The following KCNIP4 variants were observed in gnomAD, a reference collection of about 807,000 sequenced individuals.
KCNIP4 encodes potassium voltage-gated channel interacting protein 4.
In KCNIP4, 12 loss-of-function variants were observed where a neutral mutation model predicts 34.0. The observed-to-expected ratio is 0.35, with a 90% CI of 0.23 to 0.57. KCNIP4 has a LOEUF of 0.57. Ranked by LOEUF, KCNIP4 falls within the 20% of genes least tolerant of loss-of-function variation. The pLI, the probability that KCNIP4 is intolerant of heterozygous loss-of-function variation, is 0.83. For synonymous variants in KCNIP4, 124 were observed against 102.2 expected (o/e 1.21, Z -1.29); for missense variants, 238 against 311.7 (o/e 0.76, Z 1.78).
At chr4:21,478,442 T>TG (rs1400766032) in intron 1 of KCNIP4, among the ~76,000 whole-genome samples, 1 of 152,100 alleles carries the variant, frequency 6.6e-6, no homozygotes, top group Non-Finnish European at 1.5e-5. Context: ...TTCTTTTTAA[T>TG]GGGGTGGGGG....
intron 1 of KCNIP4, among the ~76,000 whole-genome samples, chr4:21,739,377 G>T (rs938151738): frequency 1.3e-5 from 2 of 151,814 alleles, no homozygotes; most frequent in Admixed American, 1.3e-4. Flanking sequence ...AACCCTAAAA[G>T]CTATCTTCAG....
chr4:21,649,313 G>T (rs796909695), intron 1 of KCNIP4, among the ~76,000 whole-genome samples: 1 of 152,254 alleles, frequency 6.6e-6, no homozygotes, highest in African/African-American at 2.4e-5. Flanking sequence ...ATGCTATCCA[G>T]AATTCCCATC....
At chr4:21,230,566 C>T (rs921301756) in intron 1 of KCNIP4, among the ~76,000 whole-genome samples, 1 of 152,020 alleles carries the variant, frequency 6.6e-6, no homozygotes, top group African/African-American at 2.4e-5. Context: ...CTCCTTGTGT[C>T]CATGTGTTCC....
At chr4:21,466,428 T>C (rs78852978) in intron 1 of KCNIP4, among the ~76,000 whole-genome samples, 4,674 of 152,276 alleles carry the variant, frequency 0.031, 260 homozygotes, top group African/African-American at 0.11. Flanking sequence ...CAAAATGAGC[T>C]GTTATAATTA....
intron 1 of KCNIP4, among the ~76,000 whole-genome samples, chr4:21,607,001 C>A (rs1743742618): frequency 6.6e-6 from 1 of 151,934 alleles, no homozygotes; most frequent in African/African-American, 2.4e-5. Flanking sequence ...GGAAAATCTG[C>A]CTATCTTAAT....
chr4:21,623,335 CT>C (rs1233915305), intron 1 of KCNIP4, among the ~76,000 whole-genome samples: 1 of 152,106 alleles, frequency 6.6e-6, no homozygotes, highest in Non-Finnish European at 1.5e-5. Flanking sequence ...ATAAGATATG[CT>C]TTATATGAAA....
chr4:20,890,956 G>A (rs1725856507), intron 1 of KCNIP4, among the ~76,000 whole-genome samples: 1 of 152,140 alleles, frequency 6.6e-6, no homozygotes, highest in African/African-American at 2.4e-5. Flanking sequence ...GTGTTACACA[G>A]GAAATGCCAT....
At chr4:21,839,491 C>T (rs913799235) in intron 1 of KCNIP4, among the ~76,000 whole-genome samples, 6 of 152,164 alleles carry the variant, frequency 3.9e-5, no homozygotes, top group Non-Finnish European at 8.8e-5. Flanking sequence ...CAAAGGCTCA[C>T]GTCTGTAATC....
chr4:21,071,688 A>C (rs979949496), intron 1 of KCNIP4, among the ~76,000 whole-genome samples: 2 of 152,086 alleles, frequency 1.3e-5, no homozygotes, highest in African/African-American at 2.4e-5. Context: ...ACATGTGCAC[A>C]ATGTGCAGGT....
At chr4:20,773,360 C>CT (rs138167799) in intron 3 of KCNIP4, among the ~76,000 whole-genome samples, 54 of 152,288 alleles carry the variant, frequency 3.5e-4, no homozygotes, top group African/African-American at 1.3e-3. Context: ...GTCACGGTAG[C>CT]TGCCTAAAAG....
At position 21,427,586 on chromosome 4, in the gene KCNIP4, G is replaced by A. The variant is rs190139529; in HGVS notation, c.61+520985C>T. 1.7e-3 allele frequency among the ~76,000 whole-genome samples: 258 copies of A among 152,212 alleles called. 2 individuals are homozygous for A. Among genetic ancestry groups the A allele is most frequent in the Non-Finnish European group, 3.8e-4 (26 of 68,008 alleles). On this transcript the variant is annotated intron_variant, in intron 1 of 8. Transcript: ENST00000382152. Reference sequence around the variant, plus strand: ...CAGCAGAAACGCACTCTGAGCAAGGGTAACTCGAAGGGACTGACTGAGAAG... The same window carrying A: ...CAGCAGAAACGCACTCTGAGCAAGGATAACTCGAAGGGACTGACTGAGAAG...
chr4:21,186,562 G>T (rs79811677), intron 1 of KCNIP4, among the ~76,000 whole-genome samples: 8 of 152,102 alleles, frequency 5.3e-5, no homozygotes, highest in African/African-American at 1.9e-4. Context: ...TTAAAGAAGG[G>T]TTAAGATAAA....
intron 1 of KCNIP4, among the ~76,000 whole-genome samples, chr4:21,004,281 A>G (rs1416024857): frequency 6.6e-6 from 1 of 152,202 alleles, no homozygotes; most frequent in Non-Finnish European, 1.5e-5. Flanking sequence ...TTGAGAGGTA[A>G]AATAACCACA....
chr4:21,257,940 G>A (rs115007331), intron 1 of KCNIP4, among the ~76,000 whole-genome samples: 79 of 152,146 alleles, frequency 5.2e-4, no homozygotes, highest in African/African-American at 1.7e-3. Flanking sequence ...GTAGCAAGCC[G>A]TTCTGATTGT....
At chr4:21,688,764 T>C (rs997153584) in intron 1 of KCNIP4, among the ~76,000 whole-genome samples, 36 of 152,108 alleles carry the variant, frequency 2.4e-4, no homozygotes, top group Non-Finnish European at 1.8e-4. Flanking sequence ...CTGGACCATT[T>C]AGCTTTTTAG....
chr4:21,838,213 A>AC (rs1283838023), intron 1 of KCNIP4, among the ~76,000 whole-genome samples: 1 of 152,026 alleles, frequency 6.6e-6, no homozygotes, highest in Non-Finnish European at 1.5e-5. Context: ...TTAATCTTCA[A>AC]CCCCCCTGGA....
At chr4:21,849,891 T>A (rs1724267532) in intron 1 of KCNIP4, 1 of 152,002 alleles carries the variant, frequency 6.6e-6, no homozygotes, top group Non-Finnish European at 1.5e-5. Flanking sequence ...ACTACACAAA[T>A]AAGACTTAGG....
intron 3 of KCNIP4, among the ~76,000 whole-genome samples, chr4:20,782,744 C>A (rs186672848): frequency 6.6e-6 from 1 of 152,166 alleles, no homozygotes; most frequent in African/African-American, 2.4e-5. Context: ...GTCTCTGACA[C>A]ACCCTGGAGA....
At chr4:21,449,380 G>T (rs1728314338) in intron 1 of KCNIP4, among the ~76,000 whole-genome samples, 1 of 152,008 alleles carries the variant, frequency 6.6e-6, no homozygotes, top group African/African-American at 2.4e-5. Flanking sequence ...AAAGAATTTT[G>T]CCTCAAGATG....
Sources: allele counts gnomAD v4.1 joint callset (sites outside exome capture counted in the v4.1 genomes callset), GRCh38; gene constraint gnomAD v4.1.1; transcripts MANE v1.5; gene names NCBI Gene and HGNC (gene_info 2026-07-23, HGNC 2026-07-21).